The following ADGRB1 variants were observed in gnomAD, a reference collection of about 807,000 sequenced individuals.
The protein encoded by ADGRB1 is brain-specific angiogenesis inhibitor 1.
A neutral mutation model predicts 175.7 loss-of-function variants in ADGRB1; 36 were observed. The observed-to-expected ratio is 0.20, with a 90% CI of 0.16 to 0.27. ADGRB1 has a LOEUF of 0.27. Ranked by LOEUF, ADGRB1 falls within the 10% of genes least tolerant of loss-of-function variation. The probability of loss-of-function intolerance (pLI) is 1.00; values close to 1 mark genes in which losing one functional copy is unlikely to be tolerated. For missense variants in ADGRB1, 1,731 were observed against 2,255.3 expected (o/e 0.77, Z 4.71); for synonymous variants, 1,054 against 979.4 (o/e 1.08, Z -1.42).
In ADGRB1 at chr8:142,484,051, G is replaced by T. The variant is rs1841530794; in HGVS notation, c.2199+6G>T. On this transcript the variant is annotated splice_donor_region_variant and intron_variant, in intron 12 of 30. Coordinates refer to ENST00000517894, the MANE Select transcript of ADGRB1 (RefSeq NM_001702.3). ...AGTGGGAGGAGGCCCAGCTGGTAGG[G>T]CCTGGGGCCCCTACGGTCAGCAGCC... 6.2e-7 allele frequency: 1 copy of T among 1,609,194 alleles called. No homozygotes were observed. Among genetic ancestry groups the T allele is most frequent in the East Asian group, 2.2e-5 (1 of 44,700 alleles).
rs1168587463 is a variant in ADGRB1 at position 142,542,487 on chromosome 8, C to T, written c.4253C>T (p.Pro1418Leu). Reference protein sequence around the residue: ...PAQPPPPPPPPPPPPQQPLPP... With the variant: ...PAQPPPPPPPLPPPPQQPLPP... ...CAGCCCCCACCGCCTCCGCCCCCAC[C>T]GCCACCACCTCCCCAGCAGCCCCTG... Residue 1418 changes from proline (P) to leucine (L), a missense_variant, in exon 28 of 31, where the codon CCG (proline) becomes CTG (leucine). Coordinates refer to ENST00000517894, the MANE Select transcript of ADGRB1 (RefSeq NM_001702.3). The surrounding 1 kb of genome is among the most constrained non-coding windows in gnomAD (Gnocchi z 6.3). The T allele has an allele frequency of 1.6e-5, 21 of 1,342,728 alleles. No individual in the cohort carries two copies. The highest frequency in any genetic ancestry group is 6.4e-5 in the South Asian group (4 of 62,862). The allele number at this position is 1,342,728 out of a possible 1,614,324, so 83.2% of individuals were successfully genotyped here. A position where few individuals can be genotyped will look rare whatever the true frequency, so the allele number is the denominator to read the frequency against.
Position 142,481,299 on chromosome 8 carries a change from A to C in ADGRB1, c.1874A>C (p.Tyr625Ser). The change falls in exon 10 of 31, where the codon TAC (tyrosine) becomes TCC (serine). Residue 625 changes from tyrosine (Y) to serine (S), a missense_variant. Around this residue, in one of 8 missense-constraint regions of ADGRB1, gnomAD observed 388 missense variants for 630.9 expected, o/e 0.61. Transcript: ENST00000517894. The stretch of plus-strand genomic sequence containing the variant: ...GAGCTGGACGAGGAAGGCATCGCCT[A>C]CTGGGAGCCCCCCACCTACATCCGC... Reference protein sequence around the residue: ...RCELDEEGIAYWEPPTYIRCV... With the variant: ...RCELDEEGIASWEPPTYIRCV... 6.2e-7 allele frequency: 1 copy of C among 1,613,822 alleles called. No homozygotes were observed. Among genetic ancestry groups the C allele is most frequent in the Non-Finnish European group, 8.5e-7 (1 of 1,179,876 alleles).
chr8:142,466,573 C>T (rs868727631), intron 2 of ADGRB1, among the ~76,000 whole-genome samples: 6 of 152,336 alleles, frequency 3.9e-5, no homozygotes, highest in South Asian at 2.1e-4. Flanking sequence ...GTGGGCACCT[C>T]AGCTGCGTCA....
At chr8:142,509,393 C>T (rs923077882) in intron 17 of ADGRB1, among the ~76,000 whole-genome samples, 6 of 152,204 alleles carry the variant, frequency 3.9e-5, no homozygotes, top group African/African-American at 1.4e-4. Flanking sequence ...AGCCGAGGCA[C>T]AAAGTCAGGT....
Position 142,455,599 on chromosome 8 carries a change from G to A in ADGRB1, c.-220+5495G>A, listed in dbSNP as rs1010664586. 1.3e-5 allele frequency among the ~76,000 whole-genome samples: 2 copies of A among 152,184 alleles called. No individual in the cohort carries two copies. Among genetic ancestry groups the A allele is most frequent in the Non-Finnish European group, 2.9e-5 (2 of 68,038 alleles). On this transcript the variant is annotated intron_variant, in intron 1 of 30. Transcript: ENST00000517894. The surrounding 1 kb of genome is among the most constrained non-coding windows in gnomAD (Gnocchi z 4.9). ...GATTACTGGGAGCTCAGAGACTGGG[G>A]TGGACCTTGAGATGAGACAGAACCT...
rs528384079 is a variant in ADGRB1, at chr8:142,543,926, T to C, written c.4557+218T>C. 1.8e-4 allele frequency among the ~76,000 whole-genome samples: 28 copies of C among 152,236 alleles called. No homozygotes were observed. Among genetic ancestry groups the C allele is most frequent in the African/African-American group, 6.5e-4 (27 of 41,548 alleles). On this transcript the variant is annotated intron_variant, in intron 30 of 30. Coordinates refer to ENST00000517894, the MANE Select transcript of ADGRB1 (RefSeq NM_001702.3). The surrounding 1 kb of genome is among the most constrained non-coding windows in gnomAD (Gnocchi z 4.4). ...GGGAGCTGAGCGGTCACGAGCCTGC[T>C]CCTGGGGCCAGGGGTCTGGATTGGG...
intron 7 of ADGRB1, chr8:142,479,076 G>T (rs2131811299): frequency 4.7e-6 from 2 of 425,906 alleles, no homozygotes; most frequent in Non-Finnish European, 8.2e-6. Flanking sequence ...GCACAGTGAG[G>T]TGTGGAGGGT....
chr8:142,520,692 GTGGTGGTGCTGT>G, intron 19 of ADGRB1, 119 bp from the exon 20 acceptor site: 1 of 726,024 alleles, frequency 1.4e-6, no homozygotes, highest in African/African-American at 1.7e-5. Context: ...GATGGTCATG[GTGGTGGTGCTGT>G]TGGTGACAAT....
At chr8:142,454,732 A>G (rs926620069) in intron 1 of ADGRB1, among the ~76,000 whole-genome samples, 17 of 152,064 alleles carry the variant, frequency 1.1e-4, no homozygotes, top group South Asian at 2.1e-4. Context: ...CGCAAAGCAC[A>G]TGCCACTGAG....
chr8:142,449,774 G>A lies in ADGRB1; in HGVS notation c.-550G>A, dbSNP rs1839224303. On this transcript the variant is annotated 5_prime_UTR_variant, in exon 1 of 31. Coordinates refer to ENST00000517894, the MANE Select transcript of ADGRB1 (RefSeq NM_001702.3). ...CCGGCGGAGCGAGCGCGGAGCCGGA[G>A]AGCCGGGAGCACAGGCGGCCGCGCC... 1 of 146,834 alleles carries A rather than the reference G, an allele frequency of 6.8e-6. No individual in the cohort carries two copies. Among genetic ancestry groups the A allele is most frequent in the Non-Finnish European group, 1.5e-5 (1 of 65,764 alleles). 9.1% of individuals were successfully genotyped at this position (146,834 alleles called of 1,614,324 possible).
intron 6 of ADGRB1, 99 bp downstream of exon 6, chr8:142,477,648 CAGACCCA>C: frequency 7.0e-7 from 1 of 1,429,556 alleles, no homozygotes; most frequent in Admixed American, 2.4e-5. Context: ...TTGCCCACTC[CAGACCCA>C]CCTCAGGGTG....
Position 142,475,511 on chromosome 8 carries a change from G to T in ADGRB1, c.822G>T (p.Thr274=). ...WKLWSLWGEC[T]RDCGGGLQTR... is the part of the protein sequence containing the mutation. ...TGTGGTCCCTGTGGGGCGAATGCAC[G>T]CGGGACTGCGGGGGAGGCCTCCAGA... Residue 274 remains threonine, a synonymous_variant, in exon 3 of 31, where the codon ACG becomes ACT. Transcript: ENST00000517894. The T allele has an allele frequency of 1.5e-6, 2 of 1,294,744 alleles. No individual in the cohort carries two copies. The allele number at this position is 1,294,744 out of a possible 1,614,324, so 80.2% of individuals were successfully genotyped here.
In ADGRB1 at chr8:142,479,316, C is replaced by T. The variant is rs562585331; in HGVS notation, c.1562-7C>T. ...GCCTGTGCCCTGTGTCTGGCCACGCCCCGCAGTGGATGGCAAGTGGCAGGC... is the reference window on the plus strand; with the variant it reads ...GCCTGTGCCCTGTGTCTGGCCACGCTCCGCAGTGGATGGCAAGTGGCAGGC... On this transcript the variant is annotated splice_region_variant and splice_polypyrimidine_tract_variant and intron_variant, in intron 7 of 30. Coordinates refer to ENST00000517894, the MANE Select transcript of ADGRB1 (RefSeq NM_001702.3). 52 of 1,496,108 alleles carry T rather than the reference C, an allele frequency of 3.5e-5. No homozygotes were observed. The highest frequency in any genetic ancestry group is 4.4e-5 in the Non-Finnish European group (50 of 1,129,028). 92.7% of individuals were successfully genotyped at this position (1,496,108 alleles called of 1,614,324 possible). A position where few individuals can be genotyped will look rare whatever the true frequency, so the allele number is the denominator to read the frequency against.
Position 142,522,729 on chromosome 8 carries a change from G to C in ADGRB1, c.3245+19G>C, listed in dbSNP as rs1843924730. The C allele has an allele frequency of 6.7e-7, 1 of 1,486,610 alleles. No individual in the cohort carries two copies. The highest frequency in any genetic ancestry group is 8.9e-7 in the Non-Finnish European group (1 of 1,121,034). The allele number at this position is 1,486,610 out of a possible 1,614,324, so 92.1% of individuals were successfully genotyped here. On this transcript the variant is annotated intron_variant, in intron 22 of 30. Coordinates refer to ENST00000517894, the MANE Select transcript of ADGRB1 (RefSeq NM_001702.3). ...TGAACTAGTGAGTCGGGGCATTGGG[G>C]GTGTGGTGGATGGCCACATGGCCCC...
chr8:142,533,256 A>G (rs769689769), intron 24 of ADGRB1, 39 bp from the exon 25 acceptor site: 1 of 1,465,708 alleles, frequency 6.8e-7, no homozygotes, highest in Non-Finnish European at 9.1e-7. Context: ...CCCTGGGGGC[A>G]GGGGCGGGGG....
chr8:142,454,111 C>T (rs1304522890), intron 1 of ADGRB1, among the ~76,000 whole-genome samples: 1 of 152,082 alleles, frequency 6.6e-6, no homozygotes, highest in Non-Finnish European at 1.5e-5. Context: ...ATGGGGATGC[C>T]AAAGAGATGG....
At chr8:142,483,836 C>T in intron 11 of ADGRB1, 141 bp from the exon 12 acceptor site, 1 of 862,916 alleles carries the variant, frequency 1.2e-6, no homozygotes, top group Non-Finnish European at 1.9e-6. Flanking sequence ...GAGCTCTGAC[C>T]CTGGTCACAC....
At chr8:142,524,495 G>C (rs976073399) in intron 23 of ADGRB1, among the ~76,000 whole-genome samples, 191 bp downstream of exon 23, 4 of 152,238 alleles carry the variant, frequency 2.6e-5, no homozygotes, top group African/African-American at 4.8e-5. Flanking sequence ...ATGCAGTGCA[G>C]GGGCTGGGCC....
chr8:142,450,747 G>C (rs541473349), intron 1 of ADGRB1, among the ~76,000 whole-genome samples: 9 of 152,130 alleles, frequency 5.9e-5, no homozygotes, highest in Admixed American at 2.0e-4. Flanking sequence ...ATTGGCAGTG[G>C]AGACTCCCTG....
Sources: gnomAD v4.1 joint callset for allele counts (sites outside exome capture counted in the v4.1 genomes callset) on GRCh38, gnomAD v4.1.1 for gene constraint, gnomAD v4.1.1 regional missense constraint, Gnocchi (gnomAD v3.1) non-coding constraint, MANE v1.5 for transcripts, NCBI Gene and HGNC (gene_info 2026-07-23, HGNC 2026-07-21) for gene names.